Variants in CTNNA3 observed in about 807,000 individuals in gnomAD.
CTNNA3 encodes the protein catenin alpha 3.
A neutral mutation model predicts 95.7 loss-of-function variants in CTNNA3; 76 were observed. The observed-to-expected ratio is 0.79, with a 90% CI of 0.66 to 0.96. The LOEUF is 0.96. Ranked by LOEUF, CTNNA3 falls within the 40% of genes least tolerant of loss-of-function variation. The probability of loss-of-function intolerance (pLI) is 0.00; values close to 1 mark genes in which losing one functional copy is unlikely to be tolerated. For missense variants in CTNNA3, 1,191 were observed against 1,089.8 expected, an observed-to-expected ratio of 1.09 and a Z score of -1.31; for synonymous variants, 431 against 374.4, an observed-to-expected ratio of 1.15 and a Z score of -1.74.
At chr10:67,098,869 G>T (rs1445412282) in intron 7 of CTNNA3, 1 of 151,828 alleles carries the variant, frequency 6.6e-6, no homozygotes, top group Non-Finnish European at 1.5e-5. Flanking sequence ...AATGTGCCTG[G>T]TTCTTAAGAC....
intron 13 of CTNNA3, among the ~76,000 whole-genome samples, chr10:66,139,143 C>T (rs558437521): frequency 6.6e-6 from 1 of 152,152 alleles, no homozygotes; most frequent in African/African-American, 2.4e-5. Flanking sequence ...TAAGATTCCT[C>T]TTAGATTTAT....
intron 1 of CTNNA3, among the ~76,000 whole-genome samples, chr10:67,675,901 C>T (rs1195227723): frequency 2.0e-5 from 3 of 151,744 alleles, no homozygotes; most frequent in African/African-American, 7.3e-5. Context: ...TACTTTATGG[C>T]TATGTTTTGG....
intron 7 of CTNNA3, among the ~76,000 whole-genome samples, chr10:67,073,802 A>C (rs1047162533): frequency 3.3e-5 from 5 of 152,220 alleles, no homozygotes; most frequent in African/African-American, 9.6e-5. Context: ...AGCATAATGA[A>C]AAGAACATTT....
At chr10:66,400,059 G>T (rs958450365) in intron 11 of CTNNA3, among the ~76,000 whole-genome samples, 44 of 152,010 alleles carry the variant, frequency 2.9e-4, no homozygotes, top group African/African-American at 8.7e-4. Flanking sequence ...ATATATGTGT[G>T]CATACATACA....
intron 5 of CTNNA3, among the ~76,000 whole-genome samples, chr10:67,228,132 A>G (rs758078413): frequency 6.6e-6 from 1 of 152,194 alleles, no homozygotes; most frequent in Non-Finnish European, 1.5e-5. Flanking sequence ...AGAAACAAGA[A>G]CAAACCAAAC....
chr10:66,494,662 AG>A (rs1323029871), intron 11 of CTNNA3, among the ~76,000 whole-genome samples: 1 of 152,148 alleles, frequency 6.6e-6, no homozygotes, highest in Non-Finnish European at 1.5e-5. Context: ...AATTGTTGAG[AG>A]TTTGGAAGTT....
intron 7 of CTNNA3, among the ~76,000 whole-genome samples, chr10:66,819,346 G>T (rs772383931): frequency 2.0e-5 from 3 of 151,832 alleles, no homozygotes; most frequent in African/African-American, 7.3e-5. Flanking sequence ...AACTTAAAAC[G>T]AATCAAAGAT....
At chr10:67,346,481 C>T (rs530950419) in intron 5 of CTNNA3, among the ~76,000 whole-genome samples, 15 of 152,176 alleles carry the variant, frequency 9.9e-5, no homozygotes, top group Non-Finnish European at 1.5e-4. Flanking sequence ...TCATCTTTGA[C>T]GGATGTTTTC....
rs138907029 is a variant in CTNNA3 at position 66,650,091 on chromosome 10, TTAGACCAAA to T, written c.1282-28316_1282-28308del. ...GTAAACATCAGATTAAAACTACACT[TTAGACCAAA>T]TAGACCCAACAGACATATACAGAAC... On this transcript the variant is annotated intron_variant, in intron 9 of 17. Transcript: ENST00000433211. Among the ~76,000 whole-genome samples the T allele has an allele frequency of 6.3e-3, 953 of 152,294 alleles. 15 individuals are homozygous for T. Among genetic ancestry groups the T allele is most frequent in the African/African-American group, 0.021 (875 of 41,564 alleles).
At chr10:66,897,560 C>A (rs1417163598) in intron 7 of CTNNA3, among the ~76,000 whole-genome samples, 2 of 152,032 alleles carry the variant, frequency 1.3e-5, no homozygotes, top group African/African-American at 4.8e-5. Context: ...AAACCAATAA[C>A]TTGATTGTAT....
intron 5 of CTNNA3, among the ~76,000 whole-genome samples, chr10:67,442,155 TA>T (rs1846544226): frequency 1.3e-5 from 2 of 152,046 alleles, no homozygotes. Context: ...GTTATCAGTG[TA>T]AAATAACGGG....
chr10:66,919,536 G>A (rs957516690), intron 7 of CTNNA3, among the ~76,000 whole-genome samples: 4 of 152,124 alleles, frequency 2.6e-5, no homozygotes, highest in Non-Finnish European at 5.9e-5. Context: ...CAGGTGAATG[G>A]GAGGGAGACA....
At chr10:67,101,806 T>C (rs1055679730) in intron 7 of CTNNA3, among the ~76,000 whole-genome samples, 3 of 151,806 alleles carry the variant, frequency 2.0e-5, no homozygotes, top group Admixed American at 6.6e-5. Context: ...ATATTTGTTT[T>C]TGATTGTTCC....
intron 1 of CTNNA3, among the ~76,000 whole-genome samples, chr10:67,655,932 T>A (rs1840012635): frequency 6.6e-6 from 1 of 150,602 alleles, no homozygotes. Context: ...AAAAAAAAAA[T>A]CTAAATCATC....
intron 13 of CTNNA3, among the ~76,000 whole-genome samples, chr10:66,109,830 T>C (rs1200476002): frequency 6.7e-6 from 1 of 150,288 alleles, no homozygotes; most frequent in Non-Finnish European, 1.5e-5. Flanking sequence ...GTAACAAACC[T>C]ACACGTTGTG....
rs907943472 is a variant in CTNNA3, at chr10:65,915,577, G to C, written c.*4753C>G. 6.6e-6 allele frequency: 1 copy of C among 152,146 alleles called. No homozygotes were observed. 9.4% of individuals were successfully genotyped at this position (152,146 alleles called of 1,614,324 possible). A position where few individuals can be genotyped will look rare whatever the true frequency, so the allele number is the denominator to read the frequency against. On this transcript the variant is annotated 3_prime_UTR_variant, in exon 18 of 18. Transcript: ENST00000433211. ...TTGTTCCCACAAACCAGTGGGGACT[G>C]CTAGATGCCATAATGCAGCCAGCAG...
At chr10:67,095,413 G>A (rs995571284) in intron 7 of CTNNA3, among the ~76,000 whole-genome samples, 2 of 151,690 alleles carry the variant, frequency 1.3e-5, no homozygotes, top group African/African-American at 2.4e-5. Flanking sequence ...ATATCCAACA[G>A]TAAGAAACTC....
At chr10:66,392,949 T>C (rs1477516249) in intron 11 of CTNNA3, among the ~76,000 whole-genome samples, 3 of 151,918 alleles carry the variant, frequency 2.0e-5, no homozygotes, top group Non-Finnish European at 4.4e-5. Context: ...TGCACATGTG[T>C]CTTAATAGCA....
intron 7 of CTNNA3, among the ~76,000 whole-genome samples, chr10:66,830,439 G>T (rs941368523): frequency 3.1e-5 from 3 of 97,086 alleles, no homozygotes; most frequent in African/African-American, 8.3e-5. Flanking sequence ...ACCGACAGAG[G>T]TTAAGTTATT....
Sources: allele counts gnomAD v4.1 joint callset (sites outside exome capture counted in the v4.1 genomes callset), GRCh38; gene constraint gnomAD v4.1.1; transcripts MANE v1.5; gene names NCBI Gene and HGNC (gene_info 2026-07-23, HGNC 2026-07-21).